The following KCNAB1 variants were observed in gnomAD, a reference collection of about 807,000 sequenced individuals.
The protein encoded by KCNAB1 is voltage-gated potassium channel subunit beta-1.
Under a neutral mutation model 64.6 loss-of-function variants are expected in KCNAB1, and 35 were observed. That is an observed-to-expected ratio of 0.54 (90% CI 0.41 to 0.72). The LOEUF (loss-of-function observed/expected upper bound fraction) is 0.72, where lower values mean the gene tolerates loss of function less well. Among genes scored for constraint, KCNAB1 ranks in the 30% least tolerant of loss-of-function variants. KCNAB1 has a pLI of 0.00. For missense variants in KCNAB1, 401 were observed against 512.9 expected, an observed-to-expected ratio of 0.78 and a Z score of 2.11; for synonymous variants, 177 against 183.8, an observed-to-expected ratio of 0.96 and a Z score of 0.30.
intron 1 of KCNAB1, among the ~76,000 whole-genome samples, chr3:156,237,905 A>C (rs1303180102): frequency 6.6e-6 from 1 of 152,162 alleles, no homozygotes; most frequent in Non-Finnish European, 1.5e-5. Context: ...TTTCTGTCCT[A>C]TTCTGCCCTA....
rs1009341794 is a variant in KCNAB1, at chr3:156,421,700, G to A, written c.319+41G>A. ...GTGACCTGGGGGTGGGCTGGAAGGT[G>A]GGAGACTGGGGAGGGCACCAGGGAG... On this transcript the variant is annotated intron_variant, in intron 2 of 13. Coordinates refer to ENST00000490337, the MANE Select transcript of KCNAB1 (RefSeq NM_172160.3). 3 of 1,576,314 alleles carry A rather than the reference G, an allele frequency of 1.9e-6. No homozygotes were observed. The Admixed American group carries it at 5.0e-5, about 26-fold the overall frequency.
chr3:156,387,331 A>G (rs112226077), intron 1 of KCNAB1, among the ~76,000 whole-genome samples: 95 of 152,280 alleles, frequency 6.2e-4, no homozygotes, highest in African/African-American at 2.2e-3. Context: ...GGACAGAGAG[A>G]CAAGCCCAAA....
intron 1 of KCNAB1, among the ~76,000 whole-genome samples, chr3:156,193,849 A>G (rs576852792): frequency 3.9e-5 from 6 of 152,166 alleles, no homozygotes; most frequent in African/African-American, 1.2e-4. Flanking sequence ...GATGTTTGCT[A>G]GGTTAGGTGT....
At chr3:156,412,497 A>G (rs1007030855) in intron 1 of KCNAB1, among the ~76,000 whole-genome samples, 4 of 152,262 alleles carry the variant, frequency 2.6e-5, no homozygotes, top group Non-Finnish European at 5.9e-5. Context: ...GGCTTCTCAA[A>G]CTTTTATTGG....
At chr3:156,254,497 A>G (rs773071113) in intron 1 of KCNAB1, among the ~76,000 whole-genome samples, 6 of 152,218 alleles carry the variant, frequency 3.9e-5, no homozygotes, top group East Asian at 1.9e-4. Context: ...TAGCTGCCCA[A>G]TGGCCACTGC....
chr3:156,465,474 A>G (rs1576902139), intron 6 of KCNAB1, among the ~76,000 whole-genome samples, 169 bp from the exon 7 acceptor site: 2 of 152,064 alleles, frequency 1.3e-5, no homozygotes, highest in East Asian at 3.9e-4. Flanking sequence ...GAGATCTCCA[A>G]AGAAAAGGGG....
intron 4 of KCNAB1, among the ~76,000 whole-genome samples, chr3:156,459,104 A>G (rs1419580697): frequency 6.6e-6 from 1 of 152,178 alleles, no homozygotes; most frequent in Non-Finnish European, 1.5e-5. Flanking sequence ...TCTCCCATTC[A>G]CTAAGCCTCT....
chr3:156,363,390 T>C lies in KCNAB1; in HGVS notation c.276-58226T>C, dbSNP rs571062495. Among the ~76,000 whole-genome samples the C allele has an allele frequency of 2.0e-5, 3 of 152,368 alleles. No homozygotes were observed. In the East Asian group the frequency reaches 5.8e-4, roughly 29 times the overall value. On this transcript the variant is annotated intron_variant, in intron 1 of 13. Transcript: ENST00000490337. ...TTTAATTGAGCATTTATCGTACTCA[T>C]TCACAAATAATCCAATTAAATCTGA...
At chr3:156,393,772 C>T (rs564942220) in intron 1 of KCNAB1, among the ~76,000 whole-genome samples, 2 of 152,192 alleles carry the variant, frequency 1.3e-5, no homozygotes, top group East Asian at 3.9e-4. Context: ...ACAGGATGTT[C>T]AAAATAAAAT....
intron 1 of KCNAB1, among the ~76,000 whole-genome samples, chr3:156,161,477 T>G (rs946286225): frequency 2.0e-5 from 3 of 152,188 alleles, no homozygotes; most frequent in Non-Finnish European, 4.4e-5. Flanking sequence ...TCCAGAGGAC[T>G]GATGTCAAGA....
chr3:156,405,741 CTT>C lies in KCNAB1; in HGVS notation c.276-15872_276-15871del, dbSNP rs1448821355. 5.3e-5 allele frequency among the ~76,000 whole-genome samples: 8 copies of C among 152,068 alleles called. No individual in the cohort carries two copies. The South Asian group carries it at 1.5e-3, about 28-fold the overall frequency. ...CATTTTCTTGTTTTAATAAAATACT[CTT>C]TTAAACGTAATTTCAAATAGTTACA... On this transcript the variant is annotated intron_variant, in intron 1 of 13. Transcript: ENST00000490337.
chr3:156,354,911 C>T (rs917513458), intron 1 of KCNAB1, among the ~76,000 whole-genome samples: 6 of 152,170 alleles, frequency 3.9e-5, no homozygotes, highest in African/African-American at 1.4e-4. Context: ...ATTAAGAATA[C>T]TAGTTCATAC....
chr3:156,151,126 A>G (rs1459755468), intron 1 of KCNAB1, among the ~76,000 whole-genome samples: 3 of 152,142 alleles, frequency 2.0e-5, no homozygotes, highest in Non-Finnish European at 4.4e-5. Context: ...CGTGTGTGCT[A>G]TCTGGACTGC....
At chr3:156,252,067 A>G (rs537225014) in intron 1 of KCNAB1, among the ~76,000 whole-genome samples, 1 of 152,288 alleles carries the variant, frequency 6.6e-6, no homozygotes, top group East Asian at 1.9e-4. Flanking sequence ...CTGGACTGTG[A>G]TGACCCCCAG....
intron 8 of KCNAB1, among the ~76,000 whole-genome samples, chr3:156,501,660 G>A (rs539166120): frequency 5.9e-5 from 9 of 151,948 alleles, no homozygotes; most frequent in African/African-American, 1.2e-4. Flanking sequence ...TTGAACTCCC[G>A]GCCTCAGGTG....
At chr3:156,475,727 A>G (rs2108320574) in intron 8 of KCNAB1, among the ~76,000 whole-genome samples, 1 of 152,358 alleles carries the variant, frequency 6.6e-6, no homozygotes, top group Middle Eastern at 3.4e-3. Flanking sequence ...CTTGTAATAA[A>G]TCAGGCTCTG....
At chr3:156,248,103 T>G (rs1360433209) in intron 1 of KCNAB1, among the ~76,000 whole-genome samples, 2 of 152,204 alleles carry the variant, frequency 1.3e-5, no homozygotes, top group Non-Finnish European at 2.9e-5. Flanking sequence ...ACTTTGTCCC[T>G]CCTGTTAATT....
intron 2 of KCNAB1, among the ~76,000 whole-genome samples, chr3:156,438,225 G>A (rs1175010200): frequency 2.0e-5 from 3 of 152,162 alleles, no homozygotes; most frequent in African/African-American, 7.2e-5. Flanking sequence ...TGAGTCCACT[G>A]GAGGCTTTGA....
At chr3:156,349,614 T>A (rs1724724885) in intron 1 of KCNAB1, among the ~76,000 whole-genome samples, 1 of 152,120 alleles carries the variant, frequency 6.6e-6, no homozygotes, top group South Asian at 2.1e-4. Context: ...CAGGCTGGAG[T>A]GCAGTGGCAC....
Sources: gnomAD v4.1 joint callset for allele counts (sites outside exome capture counted in the v4.1 genomes callset) on GRCh38, gnomAD v4.1.1 for gene constraint, MANE v1.5 for transcripts, NCBI Gene and HGNC (gene_info 2026-07-23, HGNC 2026-07-21) for gene names.